The following TRIO variants were observed in gnomAD, a reference collection of about 807,000 sequenced individuals.
The protein encoded by TRIO is trio Rho guanine nucleotide exchange factor.
A neutral mutation model predicts 351.9 loss-of-function variants in TRIO; 58 were observed. The ratio of observed to expected loss-of-function variants is 0.16; its 90% CI spans 0.13 to 0.21. The LOEUF (loss-of-function observed/expected upper bound fraction) is 0.21. Ranked by LOEUF, TRIO falls within the 10% of genes least tolerant of loss-of-function variation. The probability of loss-of-function intolerance (pLI) is 1.00; values close to 1 mark genes in which losing one functional copy is unlikely to be tolerated. For synonymous variants in TRIO, 1,758 were observed against 1,595.7 expected, an observed-to-expected ratio of 1.10 and a Z score of -2.42; for missense variants, 3,201 against 4,027.8, an observed-to-expected ratio of 0.79 and a Z score of 5.56.
chr5:14,208,173 A>G (rs959708946), intron 1 of TRIO, among the ~76,000 whole-genome samples: 1 of 122,972 alleles, frequency 8.1e-6, no homozygotes, highest in African/African-American at 2.6e-5. Context: ...TTCTAAATAA[A>G]TGAAAACATG....
intron 34 of TRIO, among the ~76,000 whole-genome samples, chr5:14,458,767 C>G (rs976436114): frequency 2.2e-4 from 33 of 152,166 alleles, no homozygotes; most frequent in African/African-American, 6.0e-4. Flanking sequence ...CAAACCTGCC[C>G]CTTCTCTTTG....
At chr5:14,241,273 A>G (rs1308355082) in intron 1 of TRIO, among the ~76,000 whole-genome samples, 5 of 152,190 alleles carry the variant, frequency 3.3e-5, no homozygotes, top group African/African-American at 4.8e-5. Context: ...ATTGTGTTCT[A>G]TGAGTATCAT....
chr5:14,287,183 C>T (rs1736516279), intron 4 of TRIO, 120 bp downstream of exon 4: 10 of 939,332 alleles, frequency 1.1e-5, no homozygotes, highest in African/African-American at 1.7e-5. Context: ...GCATATCTTA[C>T]GAACATGTGA....
Position 14,271,040 on chromosome 5 carries a change from AC to A in TRIO, c.232+142del. On this transcript the variant is annotated intron_variant, in intron 2 of 56. Coordinates refer to ENST00000344204, the MANE Select transcript of TRIO (RefSeq NM_007118.4). Reference sequence around the variant, plus strand: ...TTTTGAATGGCTTTATTCTTGTAGCACTGTTTCTGAGAAATTAGTGCCCAAA... The same window carrying A: ...TTTTGAATGGCTTTATTCTTGTAGCATGTTTCTGAGAAATTAGTGCCCAAA... The A allele has an allele frequency of 1.8e-5, 12 of 656,712 alleles. 1 individual carries two copies. In the South Asian group the frequency reaches 2.3e-4, roughly 13 times the overall value. 40.7% of individuals were successfully genotyped at this position (656,712 alleles called of 1,614,324 possible).
chr5:14,464,209 C>G (rs184622875), intron 36 of TRIO, among the ~76,000 whole-genome samples: 1 of 152,352 alleles, frequency 6.6e-6, no homozygotes, highest in Non-Finnish European at 1.5e-5. Context: ...TTGTAATACG[C>G]TAAGCCATGC....
chr5:14,379,167 G>A (rs1448326294), intron 20 of TRIO, among the ~76,000 whole-genome samples: 1 of 152,140 alleles, frequency 6.6e-6, no homozygotes, highest in African/African-American at 2.4e-5. Flanking sequence ...CCTGGTCTGG[G>A]TGCCTTAAAG....
At chr5:14,403,752 A>C (rs1049524259) in intron 31 of TRIO, among the ~76,000 whole-genome samples, 1 of 74,958 alleles carries the variant, frequency 1.3e-5, no homozygotes, top group South Asian at 5.1e-4. Flanking sequence ...GTGAGGGTGC[A>C]GGTGGTGGTG....
chr5:14,410,706 G>A (rs1257805636), intron 33 of TRIO, among the ~76,000 whole-genome samples: 1 of 152,170 alleles, frequency 6.6e-6, no homozygotes, highest in Non-Finnish European at 1.5e-5. Context: ...GAATTCTGAA[G>A]GCAAAAGTTA....
chr5:14,498,271 G>A lies in TRIO; in HGVS notation c.8210+20G>A. 3 of 1,608,290 alleles carry A rather than the reference G, an allele frequency of 1.9e-6. No homozygotes were observed. The highest frequency in any genetic ancestry group is 3.3e-5 in the Admixed American group (2 of 59,832). On this transcript the variant is annotated intron_variant, in intron 52 of 56. Transcript: ENST00000344204. The stretch of plus-strand genomic sequence containing the variant: ...CTACAGGTGAGGGAGGCCCACTCCT[G>A]GTGGGTTTCGCTGGCTGGGAGCACC...
rs774533666 is a variant in TRIO at position 14,471,299 on chromosome 5, T to C, written c.5764-19T>C. On this transcript the variant is annotated intron_variant, in intron 37 of 56. Transcript: ENST00000344204. ...GGCTGTGGGCAGTAAGTGTTGTTGATTATGTCAATTTCTTCCAGGCACTGG... is the reference window on the plus strand; with the variant it reads ...GGCTGTGGGCAGTAAGTGTTGTTGACTATGTCAATTTCTTCCAGGCACTGG... 5 of 1,612,550 alleles carry C rather than the reference T, an allele frequency of 3.1e-6. No homozygotes were observed. Among genetic ancestry groups the C allele is most frequent in the Non-Finnish European group, 3.4e-6 (4 of 1,179,152 alleles).
intron 1 of TRIO, 45 bp from the exon 2 acceptor site, chr5:14,270,780 C>A: frequency 1.3e-6 from 2 of 1,505,400 alleles, no homozygotes; most frequent in South Asian, 1.1e-5. Flanking sequence ...AATTAACTGT[C>A]ACTCTGGCAA....
chr5:14,386,634 A>G (rs2152360456), intron 21 of TRIO, among the ~76,000 whole-genome samples: 1 of 152,352 alleles, frequency 6.6e-6, no homozygotes, highest in African/African-American at 2.4e-5. Context: ...AACCATCGAA[A>G]TGGATGTGAA....
At chr5:14,460,868 CAGCCCCT>C (rs1753728803) in intron 34 of TRIO, 144 bp from the exon 35 acceptor site, 2 of 821,890 alleles carry the variant, frequency 2.4e-6, no homozygotes, top group South Asian at 4.2e-5. Context: ...TGTAAAGCAT[CAGCCCCT>C]GTCATCTCAC....
At position 14,504,456 on chromosome 5, in the gene TRIO, G is replaced by A. The variant is rs779071529; in HGVS notation, c.8475G>A (p.Lys2825=). ...GAACCAAGCGAGCAGTGGCCACTAA[G>A]TTTGTGAACAAGAAGTTGATGAAGC... The part of the protein sequence containing the change: ...QKGTKRAVAT[K]FVNKKLMKRD... Residue 2825 remains lysine (K), a synonymous_variant, in exon 55 of 57, where the codon AAG becomes AAA. Coordinates refer to ENST00000344204, the MANE Select transcript of TRIO (RefSeq NM_007118.4). The A allele has an allele frequency of 6.2e-7, 1 of 1,614,218 alleles. No individual in the cohort carries two copies. The highest frequency in any genetic ancestry group is 1.7e-5 in the Admixed American group (1 of 60,026).
At chr5:14,323,182 C>CA (rs1740039084) in intron 9 of TRIO, among the ~76,000 whole-genome samples, 1 of 144,002 alleles carries the variant, frequency 6.9e-6, no homozygotes, top group African/African-American at 2.5e-5. Flanking sequence ...CCAAAGCCCA[C>CA]AAATGTGTGT....
intron 49 of TRIO, among the ~76,000 whole-genome samples, chr5:14,495,091 A>T (rs538764087): frequency 2.0e-5 from 3 of 152,348 alleles, no homozygotes; most frequent in Non-Finnish European, 2.9e-5. Flanking sequence ...AGTGGTTTGG[A>T]AGAAGTTGAT....
rs1363480608 is a variant in TRIO at position 14,199,110 on chromosome 5, G to A, written c.157+55228G>A. 5.8e-5 allele frequency among the ~76,000 whole-genome samples: 8 copies of A among 139,078 alleles called. 2 individuals are homozygous for A. In the Admixed American group the frequency reaches 6.5e-4, roughly 11 times the overall value. 91.2% of individuals were successfully genotyped at this position (139,078 alleles called of 152,430 possible). A position where few individuals can be genotyped will look rare whatever the true frequency, so the allele number is the denominator to read the frequency against. On this transcript the variant is annotated intron_variant, in intron 1 of 56. Transcript: ENST00000344204. ...AAATTAACCAGGCATGATGGCAGGT[G>A]CCTGTAATCCCAGCTACTTGGGAGG...
chr5:14,485,308 C>T, intron 47 of TRIO, 62 bp downstream of exon 47: 1 of 1,467,808 alleles, frequency 6.8e-7, no homozygotes, highest in Non-Finnish European at 9.1e-7. Flanking sequence ...TTGTATTTAT[C>T]TTCCCTCTCC....
chr5:14,405,920 C>T lies in TRIO; in HGVS notation c.4789C>T (p.Leu1597=). The change falls in exon 32 of 57, where the codon CTG becomes TTG. Residue 1597 remains leucine, a synonymous_variant. Coordinates refer to ENST00000344204, the MANE Select transcript of TRIO (RefSeq NM_007118.4). ...AGTCATCCAGGAGCGGACGATCCAC[C>T]TGAAGGGAGCCCTGAAGGAGCCCAT... The part of the protein sequence containing the change: ...REVIQERTIH[L]KGALKEPIHI... 1 of 1,613,716 alleles carries T rather than the reference C, an allele frequency of 6.2e-7. No homozygotes were observed.
Sources: gnomAD v4.1 joint callset for allele counts (sites outside exome capture counted in the v4.1 genomes callset) on GRCh38, gnomAD v4.1.1 for gene constraint, MANE v1.5 for transcripts, NCBI Gene and HGNC (gene_info 2026-07-23, HGNC 2026-07-21) for gene names.